Variants in JAZF1 observed in about 807,000 individuals in gnomAD.
JAZF1 encodes the protein juxtaposed with another zinc finger protein 1.
A neutral mutation model predicts 26.4 loss-of-function variants in JAZF1; 8 were observed. That is an observed-to-expected ratio of 0.30 (90% confidence interval 0.18 to 0.55). JAZF1 has a LOEUF of 0.55. Ranked by LOEUF, JAZF1 falls within the 20% of genes least tolerant of loss-of-function variation. The probability of loss-of-function intolerance (pLI) is 0.94; values close to 1 mark genes in which losing one functional copy is unlikely to be tolerated. For missense variants in JAZF1, 199 were observed against 322.0 expected (o/e 0.62, Z 2.92); for synonymous variants, 126 against 122.3 (o/e 1.03, Z -0.20).
intron 3 of JAZF1, among the ~76,000 whole-genome samples, chr7:27,881,697 ACT>A (rs1471327494): frequency 6.6e-6 from 1 of 152,278 alleles, no homozygotes; most frequent in East Asian, 1.9e-4. Flanking sequence ...CTGTTAGCAC[ACT>A]GTTAGTTCAG....
At chr7:27,861,136 G>C (rs984393522) in intron 3 of JAZF1, among the ~76,000 whole-genome samples, 1 of 152,060 alleles carries the variant, frequency 6.6e-6, no homozygotes, top group African/African-American at 2.4e-5. Context: ...CTCTCAGGTC[G>C]ATGCCCACGA....
At chr7:28,170,292 T>G (rs1338337551) in intron 1 of JAZF1, among the ~76,000 whole-genome samples, 2 of 151,314 alleles carry the variant, frequency 1.3e-5, no homozygotes, top group African/African-American at 2.4e-5. Context: ...TGAACATAAT[T>G]ACATGATTTT....
chr7:28,072,250 A>G (rs1264490454), intron 1 of JAZF1, among the ~76,000 whole-genome samples: 2 of 152,224 alleles, frequency 1.3e-5, no homozygotes, highest in Non-Finnish European at 2.9e-5. Context: ...GATTTTGTCA[A>G]CCAGGGTGTA....
intron 1 of JAZF1, among the ~76,000 whole-genome samples, chr7:28,069,755 T>G (rs1310434435): frequency 6.6e-6 from 1 of 152,188 alleles, no homozygotes; most frequent in Non-Finnish European, 1.5e-5. Flanking sequence ...TTTTTTCTCC[T>G]GGAGGTGCCA....
intron 2 of JAZF1, among the ~76,000 whole-genome samples, chr7:27,927,922 AC>A (rs1227534935): frequency 6.6e-6 from 1 of 152,218 alleles, no homozygotes; most frequent in African/African-American, 2.4e-5. Context: ...GTCTCATTTT[AC>A]ATGTACTTGA....
At chr7:27,910,963 A>G (rs1359565886) in intron 2 of JAZF1, among the ~76,000 whole-genome samples, 1 of 152,158 alleles carries the variant, frequency 6.6e-6, no homozygotes, top group Non-Finnish European at 1.5e-5. Context: ...TCCTTCTGTT[A>G]TTGTGCCCTG....
rs139383037 is a variant in JAZF1, at chr7:27,878,854, A to C, written c.385+16366T>G. Among the ~76,000 whole-genome samples the C allele has an allele frequency of 6.0e-3, 911 of 152,274 alleles. 4 individuals carry two copies. Among genetic ancestry groups the C allele is most frequent in the African/African-American group, 0.021 (871 of 41,542 alleles). The stretch of plus-strand genomic sequence containing the variant: ...GCCCCCTTCCGTTCATGTCACTAGA[A>C]TCCCTGTTCTTACCAGGCAACAACT... On this transcript the variant is annotated intron_variant, in intron 3 of 4. Transcript: ENST00000283928.
At chr7:27,959,543 C>T (rs1237338384) in intron 2 of JAZF1, among the ~76,000 whole-genome samples, 3 of 152,166 alleles carry the variant, frequency 2.0e-5, no homozygotes, top group Admixed American at 6.5e-5. Flanking sequence ...TTCTAAAGTA[C>T]CTGGCACCCA....
chr7:28,047,233 ATTC>A (rs1212226563), intron 1 of JAZF1, among the ~76,000 whole-genome samples: 1 of 152,230 alleles, frequency 6.6e-6, no homozygotes, highest in Admixed American at 6.5e-5. Context: ...CTCTTTATGG[ATTC>A]TCCATAGGAT....
chr7:28,003,949 A>G (rs1197814943), intron 1 of JAZF1, among the ~76,000 whole-genome samples: 1 of 152,190 alleles, frequency 6.6e-6, no homozygotes, highest in Non-Finnish European at 1.5e-5. Flanking sequence ...ACAGATGGCC[A>G]AATATATACG....
intron 1 of JAZF1, among the ~76,000 whole-genome samples, chr7:28,146,853 GGTTTTT>G (rs1783035821): frequency 7.1e-6 from 1 of 139,954 alleles, no homozygotes; most frequent in Non-Finnish European, 1.6e-5. Context: ...TCGTTTTGGT[GGTTTTT>G]TTTTGTTTTT....
intron 1 of JAZF1, among the ~76,000 whole-genome samples, chr7:28,046,914 T>C (rs4367436): frequency 1.3e-5 from 2 of 152,208 alleles, no homozygotes; most frequent in African/African-American, 4.8e-5. Context: ...TTTCTCCCAG[T>C]TGGCCCTCCA....
intron 2 of JAZF1, among the ~76,000 whole-genome samples, chr7:27,982,413 G>A (rs577133370): frequency 8.5e-5 from 13 of 152,280 alleles, no homozygotes; most frequent in African/African-American, 2.4e-4. Flanking sequence ...AGGGGCGTCC[G>A]CCACTGCTGA....
At chr7:27,885,049 A>G (rs1163697427) in intron 3 of JAZF1, among the ~76,000 whole-genome samples, 1 of 152,182 alleles carries the variant, frequency 6.6e-6, no homozygotes, top group Admixed American at 6.5e-5. Flanking sequence ...CAGAGACACT[A>G]TAGTCAAAAC....
At chr7:28,061,145 C>G (rs1783790679) in intron 1 of JAZF1, among the ~76,000 whole-genome samples, 1 of 152,174 alleles carries the variant, frequency 6.6e-6, no homozygotes, top group Non-Finnish European at 1.5e-5. Flanking sequence ...TTGTAAGGAT[C>G]AAATGAGTTA....
intron 1 of JAZF1, among the ~76,000 whole-genome samples, chr7:28,011,202 A>G (rs1293440856): frequency 6.6e-6 from 1 of 152,236 alleles, no homozygotes; most frequent in Non-Finnish European, 1.5e-5. Flanking sequence ...AGGTCCTTAG[A>G]GAGAAGGAAA....
chr7:27,943,611 G>T (rs1426857896), intron 2 of JAZF1, among the ~76,000 whole-genome samples: 1 of 152,164 alleles, frequency 6.6e-6, no homozygotes, highest in Non-Finnish European at 1.5e-5. Context: ...GTGCCACGAG[G>T]GTGTAAATCA....
chr7:28,020,933 TG>T (rs1393368781), intron 1 of JAZF1: 2 of 315,062 alleles, frequency 6.3e-6, no homozygotes, highest in African/African-American at 4.3e-5. Context: ...AAAAGTAACC[TG>T]GTTCTTTGGA....
intron 1 of JAZF1, among the ~76,000 whole-genome samples, chr7:28,064,606 C>G (rs1434488579): frequency 6.6e-6 from 1 of 152,158 alleles, no homozygotes; most frequent in Non-Finnish European, 1.5e-5. Flanking sequence ...AGTAGTCAAA[C>G]AGAACTTCCT....
Sources: allele counts gnomAD v4.1 joint callset (sites outside exome capture counted in the v4.1 genomes callset), GRCh38; gene constraint gnomAD v4.1.1; transcripts MANE v1.5; gene names NCBI Gene and HGNC (gene_info 2026-07-23, HGNC 2026-07-21).